CDV3: variants seen among roughly 807,000 people sequenced by gnomAD.
CDV3 encodes the protein protein CDV3 homolog.
A neutral mutation model predicts 24.5 loss-of-function variants in CDV3; 14 were observed. The ratio of observed to expected loss-of-function variants is 0.57; its 90% confidence interval spans 0.38 to 0.89. The LOEUF (loss-of-function observed/expected upper bound fraction) is 0.89, where lower values mean the gene tolerates loss of function less well. Ranked by LOEUF, CDV3 falls within the 40% of genes least tolerant of loss-of-function variation. CDV3 has a pLI of 0.00. For missense variants in CDV3, 304 were observed against 310.2 expected, an observed-to-expected ratio of 0.98 and a Z score of 0.15; for synonymous variants, 114 against 114.1, an observed-to-expected ratio of 1.00 and a Z score of 0.00.
chr3:133,587,476 C>G, intron 4 of CDV3: 1 of 1,132,252 alleles, frequency 8.8e-7, no homozygotes, highest in Non-Finnish European at 1.1e-6. Flanking sequence ...AGATCCACTC[C>G]CACAAAATCG....
In CDV3 at chr3:133,588,683, A is replaced by AG. The variant is rs1182517226; in HGVS notation, c.*640dup. 1 of 321,502 alleles carries AG rather than the reference A, an allele frequency of 3.1e-6. No homozygotes were observed. The highest frequency in any genetic ancestry group is 5.7e-6 in the Non-Finnish European group (1 of 176,746). The allele number at this position is 321,502 out of a possible 1,614,324, so 19.9% of individuals were successfully genotyped here. On this transcript the variant is annotated 3_prime_UTR_variant, in exon 5 of 5. Coordinates refer to ENST00000264993, the MANE Select transcript of CDV3 (RefSeq NM_017548.5). ...ACTGATGTGTTCAGATCATCTGTGT[A>AG]GGGCTGTGATTTGTAATTTAAACTA...
intron 2 of CDV3, among the ~76,000 whole-genome samples, chr3:133,576,770 C>T (rs1040259461): frequency 2.0e-5 from 3 of 150,150 alleles, no homozygotes; most frequent in African/African-American, 7.4e-5. Flanking sequence ...ATACTTCACC[C>T]TTGCCAGGGA....
At chr3:133,586,772 C>CAGGGAGTGGGATAT in intron 4 of CDV3, 50 bp downstream of exon 4, 1 of 1,187,962 alleles carries the variant, frequency 8.4e-7, no homozygotes, top group Non-Finnish European at 1.3e-6. Flanking sequence ...GTTCCTAGGC[C>CAGGGAGTGGGATAT]AGGGAGTGGG....
intron 2 of CDV3, among the ~76,000 whole-genome samples, chr3:133,582,188 G>A (rs370270844): frequency 3.3e-5 from 5 of 152,138 alleles, no homozygotes; most frequent in East Asian, 3.9e-4. Context: ...ACGGAGTCTC[G>A]CTCTGTCACC....
chr3:133,580,882 T>C (rs1932950571), intron 2 of CDV3, among the ~76,000 whole-genome samples: 1 of 152,240 alleles, frequency 6.6e-6, no homozygotes, highest in Non-Finnish European at 1.5e-5. Flanking sequence ...CCTTTTATTA[T>C]TGATGTACAA....
chr3:133,583,914 C>G, intron 2 of CDV3, 88 bp from the exon 3 acceptor site: 1 of 921,644 alleles, frequency 1.1e-6, no homozygotes, highest in Non-Finnish European at 1.7e-6. Flanking sequence ...TCTTCAGGGT[C>G]GTACAGATAA....
chr3:133,574,984 C>T (rs2074747777), intron 1 of CDV3, 55 bp from the exon 2 acceptor site: 2 of 1,069,174 alleles, frequency 1.9e-6, no homozygotes, highest in Non-Finnish European at 2.9e-6. Context: ...GTGTTATTTG[C>T]TTAGTTATAT....
Position 133,590,080 on chromosome 3 carries a change from T to G in CDV3, c.*2034T>G, listed in dbSNP as rs1185472495. The G allele has an allele frequency of 1.3e-5, 2 of 152,172 alleles. No homozygotes were observed. The highest frequency in any genetic ancestry group is 4.8e-5 in the African/African-American group (2 of 41,424). 9.4% of individuals were successfully genotyped at this position (152,172 alleles called of 1,614,324 possible). On this transcript the variant is annotated 3_prime_UTR_variant, in exon 5 of 5. Transcript: ENST00000264993. ...ACCTGCAGCAGATTTAAATTACAACTCTTGTTATAACTTTTTAAAAGATTG... is the reference window on the plus strand; with the variant it reads ...ACCTGCAGCAGATTTAAATTACAACGCTTGTTATAACTTTTTAAAAGATTG...
Position 133,575,114 on chromosome 3 carries a change from A to C in CDV3, c.316A>C (p.Ser106Arg). ...SGLRVQAMQISSEKEEDDNEK... is the reference protein window; with the variant it reads ...SGLRVQAMQIRSEKEEDDNEK... ...CCTCAGGGTTCAGGCAATGCAAATA[A>C]GGTATAGTCTGGTTACAAATGTGTT... Residue 106 changes from serine to arginine, a missense_variant and splice_region_variant, in exon 2 of 5, where the codon AGC becomes CGC. Physicochemically the swap from Ser to Arg is moderately radical, Grantham distance 110 (BLOSUM62 -1). This residue lies in a region of CDV3 where 219 missense variants were observed against 203.6 expected (regional missense o/e 1.08). Transcript: ENST00000264993. 1 of 1,520,512 alleles carries C rather than the reference A, an allele frequency of 6.6e-7. No individual in the cohort carries two copies. The highest frequency in any genetic ancestry group is 9.1e-7 in the Non-Finnish European group (1 of 1,094,658). The allele number at this position is 1,520,512 out of a possible 1,614,324, so 94.2% of individuals were successfully genotyped here.
At position 133,587,065 on chromosome 3, in the gene CDV3, T is replaced by A. The variant is rs570495156; in HGVS notation, c.626+343T>A. The A allele has an allele frequency of 6.0e-5, 37 of 620,960 alleles. 2 individuals are homozygous for A. In the Middle Eastern group the frequency reaches 1.2e-3, roughly 20 times the overall value. The allele number at this position is 620,960 out of a possible 1,614,324, so 38.5% of individuals were successfully genotyped here. ...CCTTATAATATGGAAACTAGAAATA[T>A]AAAAGCGCTGTTTAATTGTATTCCC... On this transcript the variant is annotated intron_variant, in intron 4 of 4. Transcript: ENST00000264993.
Position 133,583,995 on chromosome 3 carries a change from T to C in CDV3, c.318-7T>C. 6.3e-7 allele frequency: 1 copy of C among 1,589,202 alleles called. No homozygotes were observed. The highest frequency in any genetic ancestry group is 8.5e-7 in the Non-Finnish European group (1 of 1,171,658). On this transcript the variant is annotated splice_polypyrimidine_tract_variant and splice_region_variant and intron_variant, in intron 2 of 4. Coordinates refer to ENST00000264993, the MANE Select transcript of CDV3 (RefSeq NM_017548.5). The stretch of plus-strand genomic sequence containing the variant: ...TCCTTAATGAATTTACATCTTTGCT[T>C]TTCCAGCAGTGAAAAGGAAGAAGAC...
intron 3 of CDV3, 123 bp downstream of exon 3, chr3:133,584,273 GTAGAGTGGGATGTGTATATATCTTGT>G: frequency 1.5e-6 from 1 of 668,170 alleles, no homozygotes; most frequent in Non-Finnish European, 2.6e-6. Flanking sequence ...TCCATTCCTG[GTAGAGTGGGATGTGTATATATCTTGT>G]TAAAGACTTT....
chr3:133,576,838 T>C (rs1160373229), intron 2 of CDV3, among the ~76,000 whole-genome samples: 2 of 133,486 alleles, frequency 1.5e-5, no homozygotes, highest in Non-Finnish European at 3.2e-5. Flanking sequence ...GAAGGTAGAC[T>C]AGCTTTTTTT....
At chr3:133,585,640 G>A (rs1452611337) in intron 3 of CDV3, among the ~76,000 whole-genome samples, 6 of 151,814 alleles carry the variant, frequency 4.0e-5, no homozygotes, top group Admixed American at 6.6e-5. Context: ...GATTACAGGC[G>A]TGCACCACCA....
Position 133,588,117 on chromosome 3 carries a change from C to T in CDV3, c.*71C>T, listed in dbSNP as rs1292490209. ...ACCACCACCAACAGCCATTCATCAT[C>T]TGATCTCTGCTGGATCTACAGACAC... On this transcript the variant is annotated 3_prime_UTR_variant, in exon 5 of 5. Transcript: ENST00000264993. 1.0e-5 allele frequency: 16 copies of T among 1,578,904 alleles called. No homozygotes were observed. The East Asian group carries it at 3.1e-4, about 31-fold the overall frequency.
rs747077477 is a variant in CDV3, at chr3:133,584,036, C to G, written c.352C>G (p.Gln118Glu). 2 of 1,610,090 alleles carry G rather than the reference C, an allele frequency of 1.2e-6. No homozygotes were observed. Among genetic ancestry groups the G allele is most frequent in the South Asian group, 1.1e-5 (1 of 90,620 alleles). The change falls in exon 3 of 5, where the codon CAA becomes GAA. Residue 118 changes from glutamine to glutamate, a missense_variant. Physicochemically the swap from Gln to Glu is conservative, Grantham distance 29 (BLOSUM62 2). This residue lies in a region of CDV3 where 219 missense variants were observed against 203.6 expected (regional missense o/e 1.08). Coordinates refer to ENST00000264993, the MANE Select transcript of CDV3 (RefSeq NM_017548.5). Reference protein sequence around the residue: ...EKEEDDNEKRQDPGDNWEEGG... With the variant: ...EKEEDDNEKREDPGDNWEEGG... ...GGAAGAAGACGATAATGAAAAGAGA[C>G]AAGATCCAGGTGATAACTGGGAAGA...
chr3:133,574,556 G>C (rs1008272578), intron 1 of CDV3: 21 of 985,978 alleles, frequency 2.1e-5, no homozygotes, highest in Non-Finnish European at 2.5e-5. Flanking sequence ...CACTAGGTCT[G>C]GGGCCGCAGT....
intron 2 of CDV3, 152 bp from the exon 3 acceptor site, chr3:133,583,850 C>G: frequency 1.7e-6 from 1 of 598,184 alleles, no homozygotes. Flanking sequence ...GTGTGAGCCA[C>G]TGTACCTGGC....
In CDV3 at chr3:133,588,482, A is replaced by G. The variant is rs369522989; in HGVS notation, c.*436A>G. ...CGATGTGAACCTTGCAACCAGCTCTACTGGATTCTTATCAGAAATCCTGCA... is the reference window on the plus strand; with the variant it reads ...CGATGTGAACCTTGCAACCAGCTCTGCTGGATTCTTATCAGAAATCCTGCA... On this transcript the variant is annotated 3_prime_UTR_variant, in exon 5 of 5. Transcript: ENST00000264993. The G allele has an allele frequency of 2.0e-6, 2 of 995,324 alleles. No homozygotes were observed. The highest frequency in any genetic ancestry group is 2.9e-5 in the South Asian group (2 of 69,010). The allele number at this position is 995,324 out of a possible 1,614,324, so 61.7% of individuals were successfully genotyped here. A position where few individuals can be genotyped will look rare whatever the true frequency, so the allele number is the denominator to read the frequency against.
Sources: allele counts gnomAD v4.1 joint callset (sites outside exome capture counted in the v4.1 genomes callset), GRCh38; gene constraint gnomAD v4.1.1; regional missense constraint gnomAD v4.1.1; transcripts MANE v1.5; gene names NCBI Gene and HGNC (gene_info 2026-07-23, HGNC 2026-07-21).